MTBP: variants seen among roughly 807,000 people sequenced by gnomAD.
The protein encoded by MTBP is mdm2-binding protein.
A neutral mutation model predicts 117.0 loss-of-function variants in MTBP; 101 were observed. That is an observed-to-expected ratio of 0.86 (90% confidence interval 0.73 to 1.02). MTBP has a LOEUF of 1.02. Among genes scored for constraint, MTBP ranks in the 50% least tolerant of loss-of-function variants. The probability of loss-of-function intolerance (pLI) is 0.00; values close to 1 mark genes in which losing one functional copy is unlikely to be tolerated. For missense variants in MTBP, 970 were observed against 1,030.9 expected, an observed-to-expected ratio of 0.94 and a Z score of 0.81; for synonymous variants, 350 against 351.5, an observed-to-expected ratio of 1.00 and a Z score of 0.05.
chr8:120,459,112 T>A, intron 7 of MTBP, 103 bp from the exon 8 acceptor site: 1 of 986,220 alleles, frequency 1.0e-6, no homozygotes, highest in Non-Finnish European at 1.5e-6. Context: ...AAAATAAATT[T>A]ATACATGGAT....
intron 2 of MTBP, among the ~76,000 whole-genome samples, chr8:120,448,634 T>A (rs752319566): frequency 6.6e-6 from 1 of 152,204 alleles, no homozygotes; most frequent in Non-Finnish European, 1.5e-5. Context: ...ATCTTTTATG[T>A]ATACAGTGGT....
At chr8:120,490,048 G>A (rs893862992) in intron 12 of MTBP, among the ~76,000 whole-genome samples, 1 of 152,166 alleles carries the variant, frequency 6.6e-6, no homozygotes, top group Non-Finnish European at 1.5e-5. Context: ...GGACCATCCA[G>A]CACATTTATC....
chr8:120,499,367 TTTATG>T (rs1563801437), intron 14 of MTBP, among the ~76,000 whole-genome samples: 4 of 152,184 alleles, frequency 2.6e-5, no homozygotes, highest in African/African-American at 9.7e-5. Flanking sequence ...TTTCAGTTGT[TTTATG>T]TTATACTTTC....
intron 2 of MTBP, among the ~76,000 whole-genome samples, chr8:120,448,471 A>T (rs1563781491): frequency 6.6e-6 from 1 of 152,210 alleles, no homozygotes; most frequent in South Asian, 2.1e-4. Flanking sequence ...ATCCATTTTT[A>T]TAAAATATCA....
intron 7 of MTBP, 134 bp from the exon 8 acceptor site, chr8:120,459,081 C>T: frequency 1.4e-6 from 1 of 698,094 alleles, no homozygotes; most frequent in African/African-American, 1.9e-5. Context: ...GTGAGAAGCA[C>T]ACTTTTGAGC....
In MTBP at chr8:120,515,930, G is replaced by C; in HGVS notation, c.1985G>C (p.Cys662Ser). Residue 662 changes from cysteine to serine, a missense_variant, in exon 18 of 22, where the codon TGC becomes TCC. Transcript: ENST00000305949. ...SVCHYHGIEYCLDDRKALERD... is the reference protein window; with the variant it reads ...SVCHYHGIEYSLDDRKALERD... ...TGCTCTTTCACTCATTTTAGATATT[G>C]CTTGGATGACCGAAAAGCTTTGGAA... is the stretch of plus-strand genomic sequence containing the variant. 6.2e-7 allele frequency: 1 copy of C among 1,611,832 alleles called. No individual in the cohort carries two copies. Among genetic ancestry groups the C allele is most frequent in the East Asian group, 2.2e-5 (1 of 44,836 alleles).
At chr8:120,473,875 A>T (rs1176819978) in intron 11 of MTBP, 2 of 152,104 alleles carry the variant, frequency 1.3e-5, no homozygotes, top group Non-Finnish European at 2.9e-5. Flanking sequence ...TTGATTAGAC[A>T]TATGTAGACA....
chr8:120,455,934 T>C (rs1813460033), intron 6 of MTBP, among the ~76,000 whole-genome samples: 1 of 152,130 alleles, frequency 6.6e-6, no homozygotes, highest in Admixed American at 6.5e-5. Flanking sequence ...ATATACACTG[T>C]TGTGTTTTAT....
rs1813870143 is a variant in MTBP, at chr8:120,473,613, G to A, written c.1165+2676G>A. On this transcript the variant is annotated intron_variant, in intron 11 of 21. Transcript: ENST00000305949. Reference sequence around the variant, plus strand: ...AGTGTATGACCTAACATAGCCTTAAGAGCTCAAGAAAAGTTTCCTATAGGA... The same window carrying A: ...AGTGTATGACCTAACATAGCCTTAAAAGCTCAAGAAAAGTTTCCTATAGGA... The A allele has an allele frequency of 5.9e-5, 9 of 152,182 alleles. No individual in the cohort carries two copies. The South Asian group carries it at 1.9e-3, about 31-fold the overall frequency. The allele number at this position is 152,182 out of a possible 1,614,324, so 9.4% of individuals were successfully genotyped here.
intron 12 of MTBP, 35 bp downstream of exon 12, chr8:120,488,367 C>G: frequency 6.9e-7 from 1 of 1,452,530 alleles, no homozygotes; most frequent in South Asian, 1.6e-5. Context: ...AACATGTTTA[C>G]ATTGTTTGTG....
chr8:120,518,097 A>G lies in MTBP; in HGVS notation c.2493A>G (p.Thr831=). ...AGGAATCAAGATCACAGAAACACAC[A>G]CGGGTAAAGATTTATTTCCCATTTT... ...QIKESRSQKH[T]RILKEVVTET... Residue 831 remains threonine (T), a synonymous_variant, in exon 19 of 22, where the codon ACA becomes ACG. Coordinates refer to ENST00000305949, the MANE Select transcript of MTBP (RefSeq NM_022045.5). 6.2e-7 allele frequency: 1 copy of G among 1,611,398 alleles called. No individual in the cohort carries two copies. Among genetic ancestry groups the G allele is most frequent in the Non-Finnish European group, 8.5e-7 (1 of 1,178,420 alleles).
chr8:120,496,781 C>A (rs1372962982), intron 13 of MTBP, among the ~76,000 whole-genome samples: 1 of 152,058 alleles, frequency 6.6e-6, no homozygotes, highest in Non-Finnish European at 1.5e-5. Context: ...GGGGAAGGAC[C>A]TGCAGTTCTG....
At chr8:120,509,444 A>G (rs1439484859) in intron 16 of MTBP, among the ~76,000 whole-genome samples, 2 of 152,098 alleles carry the variant, frequency 1.3e-5, no homozygotes, top group Non-Finnish European at 2.9e-5. Flanking sequence ...TCTACTAAAA[A>G]TACAAAAATT....
chr8:120,522,806 T>A (rs1815027941), intron 21 of MTBP, 87 bp downstream of exon 21: 6 of 992,526 alleles, frequency 6.0e-6, no homozygotes, highest in Non-Finnish European at 8.9e-6. Context: ...TATGCAGCAG[T>A]AATCAGTTAC....
chr8:120,515,681 CAGAAACACAAGTGAAAG>C lies in MTBP; in HGVS notation c.1980-225_1980-209del, dbSNP rs1384282670. Among the ~76,000 whole-genome samples the C allele has an allele frequency of 3.9e-5, 6 of 151,910 alleles. No individual in the cohort carries two copies. The South Asian group carries it at 8.3e-4, about 21-fold the overall frequency. On this transcript the variant is annotated intron_variant, in intron 17 of 21. Coordinates refer to ENST00000305949, the MANE Select transcript of MTBP (RefSeq NM_022045.5). ...CAAAGGATTAACTTAATCTGTTGCC[CAGAAACACAAGTGAAAG>C]AGAAACACAAGTGAAAGACATTTTT...
Position 120,490,342 on chromosome 8 carries a change from G to A in MTBP, c.1340-121G>A. 3 of 632,842 alleles carry A rather than the reference G, an allele frequency of 4.7e-6. No homozygotes were observed. The South Asian group carries it at 5.6e-5, about 12-fold the overall frequency. 39.2% of individuals were successfully genotyped at this position (632,842 alleles called of 1,614,324 possible). On this transcript the variant is annotated intron_variant, in intron 12 of 21. Coordinates refer to ENST00000305949, the MANE Select transcript of MTBP (RefSeq NM_022045.5). ...TTTGAAATATGTAAGGTCGAGAGAG[G>A]TGAGTGATTGACTTTTATTTTTTGT...
chr8:120,446,461 C>A lies in MTBP; in HGVS notation c.147C>A (p.Leu49=). Residue 49 remains leucine (L), a synonymous_variant, in exon 2 of 22, where the codon CTC becomes CTA. Transcript: ENST00000305949. The part of the protein sequence containing the change: ...PDFTAANVYH[L]LKRSISASIN... ...TCACAGCAGCAAATGTTTATCACCT[C>A]TTGAAAAGAAGCATTAGTGCTTCAA... 1 of 1,610,146 alleles carries A rather than the reference C, an allele frequency of 6.2e-7. No homozygotes were observed. The highest frequency in any genetic ancestry group is 8.5e-7 in the Non-Finnish European group (1 of 1,176,660).
In MTBP at chr8:120,506,752, G is replaced by A; in HGVS notation, c.1774G>A (p.Glu592Lys). 11 of 1,613,066 alleles carry A rather than the reference G, an allele frequency of 6.8e-6. No homozygotes were observed. Among genetic ancestry groups the A allele is most frequent in the Non-Finnish European group, 9.3e-6 (11 of 1,179,542 alleles). ...HSSEQLLGHK[E>K]GPRDSITLLD... The stretch of plus-strand genomic sequence containing the variant: ...ATCTGAACAGTTGCTGGGCCACAAA[G>A]AGGGTCCTCGGGACTCAATCACATT... The change falls in exon 16 of 22, where the codon GAG becomes AAG. Residue 592 changes from glutamate (E) to lysine (K), a missense_variant. By Grantham distance (56) the Glu-to-Lys change is moderately conservative. Coordinates refer to ENST00000305949, the MANE Select transcript of MTBP (RefSeq NM_022045.5).
intron 16 of MTBP, among the ~76,000 whole-genome samples, chr8:120,507,894 G>T (rs1471661318): frequency 6.6e-6 from 1 of 152,176 alleles, no homozygotes; most frequent in Non-Finnish European, 1.5e-5. Context: ...TTAGTTATTG[G>T]ATTACTGTCC....
Sources: allele counts gnomAD v4.1 joint callset (sites outside exome capture counted in the v4.1 genomes callset), GRCh38; gene constraint gnomAD v4.1.1; transcripts MANE v1.5; gene names NCBI Gene and HGNC (gene_info 2026-07-23, HGNC 2026-07-21).